CHI3L2: variants seen among roughly 807,000 people sequenced by gnomAD.
CHI3L2 encodes chitinase 3 like 2.
A neutral mutation model predicts 47.3 loss-of-function variants in CHI3L2; 47 were observed. The ratio of observed to expected loss-of-function variants is 0.99; its 90% CI spans 0.79 to 1.27. The LOEUF (loss-of-function observed/expected upper bound fraction) is 1.27. Ranked by LOEUF, CHI3L2 falls within the 50% of genes most tolerant of loss-of-function variation. The pLI is 0.00. For synonymous variants in CHI3L2, 198 were observed against 169.9 expected (o/e 1.17, Z -1.28); for missense variants, 497 against 462.1 (o/e 1.08, Z -0.69).
Position 111,243,335 on chromosome 1 carries a change from T to G in CHI3L2, c.*121T>G. Reference sequence around the variant, plus strand: ...GCCTTTGGATCTCTCTTCCAAGCCTTTCCTGACTTCCTCTTAGATCATAGA... The same window carrying G: ...GCCTTTGGATCTCTCTTCCAAGCCTGTCCTGACTTCCTCTTAGATCATAGA... On this transcript the variant is annotated 3_prime_UTR_variant, in exon 11 of 11. Transcript: ENST00000369748. The G allele has an allele frequency of 2.3e-6, 1 of 441,236 alleles. No individual in the cohort carries two copies. The highest frequency in any genetic ancestry group is 1.6e-5 in the South Asian group (1 of 63,100). The allele number at this position is 441,236 out of a possible 1,614,324, so 27.3% of individuals were successfully genotyped here.
Position 111,230,958 on chromosome 1 carries a change from G to T in CHI3L2, c.272+15G>T. ...CTCAAAACCAAGTGAGTAAGATGGG[G>T]GTGGAAGCATCCTGCATGGATTTTA... On this transcript the variant is annotated intron_variant, in intron 3 of 10. Coordinates refer to ENST00000369748, the MANE Select transcript of CHI3L2 (RefSeq NM_004000.3). The T allele has an allele frequency of 6.2e-7, 1 of 1,605,884 alleles. No homozygotes were observed. Among genetic ancestry groups the T allele is most frequent in the East Asian group, 2.2e-5 (1 of 44,824 alleles).
At chr1:111,234,352 G>A (rs1023748730) in intron 4 of CHI3L2, among the ~76,000 whole-genome samples, 2 of 152,108 alleles carry the variant, frequency 1.3e-5, no homozygotes, top group African/African-American at 2.4e-5. Context: ...CAAAGAGCAC[G>A]CTAGGGGCAA....
At chr1:111,242,114 CAGTT>C in intron 9 of CHI3L2, 109 bp from the exon 10 acceptor site, 1 of 1,358,308 alleles carries the variant, frequency 7.4e-7, no homozygotes, top group African/African-American at 1.5e-5. Flanking sequence ...TCCAGAAAAC[CAGTT>C]AGTCTACTGC....
chr1:111,242,309 A>G lies in CHI3L2; in HGVS notation c.1118A>G (p.Asn373Ser). 1 of 1,614,008 alleles carries G rather than the reference A, an allele frequency of 6.2e-7. No individual in the cohort carries two copies. Among genetic ancestry groups the G allele is most frequent in the Non-Finnish European group, 8.5e-7 (1 of 1,179,974 alleles). ...DMDDFTGKSC[N>S]QGPYPLVQAV... ...GATGACTTCACTGGCAAATCCTGCA[A>G]CCAGGGCCCTTACCCTCTTGTCCAA... Residue 373 changes from asparagine to serine, a missense_variant, in exon 10 of 11, where the codon AAC (asparagine) becomes AGC (serine). Asn to Ser is a conservative substitution (Grantham distance 46). Coordinates refer to ENST00000369748, the MANE Select transcript of CHI3L2 (RefSeq NM_004000.3).
chr1:111,238,610 C>G, intron 7 of CHI3L2, 140 bp from the exon 8 acceptor site: 2 of 765,500 alleles, frequency 2.6e-6, no homozygotes, highest in South Asian at 1.8e-5. Flanking sequence ...CACTCTGGTC[C>G]GGGGGGTCTG....
rs1230939570 is a variant in CHI3L2, at chr1:111,238,790, C to T, written c.776C>T (p.Ser259Leu). The change falls in exon 8 of 11, where the codon TCA becomes TTA. Residue 259 changes from serine (S) to leucine (L), a missense_variant. By Grantham distance (145) the Ser-to-Leu change is moderately radical (BLOSUM62 -2). Transcript: ENST00000369748. ...TACTGGATACATAAGGGAATGCCAT[C>T]AGAGAAGGTGGTCATGGGCATCCCC... ...VGYWIHKGMP[S>L]EKVVMGIPTY... 6.2e-7 allele frequency: 1 copy of T among 1,613,960 alleles called. No individual in the cohort carries two copies.
chr1:111,240,833 G>A (rs969716894), intron 8 of CHI3L2, among the ~76,000 whole-genome samples: 8 of 152,220 alleles, frequency 5.3e-5, no homozygotes, highest in Admixed American at 5.2e-4. Context: ...CAGAGGAGGA[G>A]TAATAAGATT....
At chr1:111,236,476 T>G (rs2764543) in intron 7 of CHI3L2, among the ~76,000 whole-genome samples, 37,991 of 152,118 alleles carry the variant, frequency 0.25, 5,596 homozygotes, top group Non-Finnish European at 0.34. Context: ...ACAGAACTTG[T>G]ACCTTCCTGT....
intron 7 of CHI3L2, among the ~76,000 whole-genome samples, chr1:111,236,654 T>TA (rs60523421): frequency 2.7e-5 from 4 of 149,910 alleles, no homozygotes; most frequent in East Asian, 2.0e-4. Context: ...AAATGAAAAG[T>TA]AAAAAAAAAA....
In CHI3L2 at chr1:111,228,074, T is replaced by C. The variant is rs557140616; in HGVS notation, c.40+305T>C. On this transcript the variant is annotated intron_variant, in intron 1 of 10. Coordinates refer to ENST00000369748, the MANE Select transcript of CHI3L2 (RefSeq NM_004000.3). ...AAAGAGGCCAAGCTTTCTTAGTCTCTTGGTGTATGAGCGTTGTATTGCGAG... is the reference window on the plus strand; with the variant it reads ...AAAGAGGCCAAGCTTTCTTAGTCTCCTGGTGTATGAGCGTTGTATTGCGAG... 1.3e-4 allele frequency among the ~76,000 whole-genome samples: 20 copies of C among 152,362 alleles called. No homozygotes were observed. The South Asian group carries it at 2.5e-3, about 19-fold the overall frequency.
At chr1:111,240,754 T>C (rs1660024696) in intron 8 of CHI3L2, among the ~76,000 whole-genome samples, 1 of 152,170 alleles carries the variant, frequency 6.6e-6, no homozygotes, top group Non-Finnish European at 1.5e-5. Flanking sequence ...TTCCTTATGC[T>C]AACAGAAAGA....
chr1:111,228,397 G>T lies in CHI3L2; in HGVS notation c.40+628G>T, dbSNP rs74121631. On this transcript the variant is annotated intron_variant, in intron 1 of 10. Transcript: ENST00000369748. ...TTTGTGTCCATACCTCTTTCACCTTGTCTTACCCTCTCAAGCCATGAAGCC... is the reference window on the plus strand; with the variant it reads ...TTTGTGTCCATACCTCTTTCACCTTTTCTTACCCTCTCAAGCCATGAAGCC... 6.2e-3 allele frequency among the ~76,000 whole-genome samples: 937 copies of T among 152,286 alleles called. 9 individuals carry two copies. Among genetic ancestry groups the T allele is most frequent in the African/African-American group, 0.022 (897 of 41,548 alleles).
chr1:111,236,066 G>A lies in CHI3L2; in HGVS notation c.648G>A (p.Gly216=), dbSNP rs146398047. ...ACCTCCTGTCCTTTGACTTCCATGGGTCTTGGGAAAAGCCCCTTATCACTG... is the reference window on the plus strand; with the variant it reads ...ACCTCCTGTCCTTTGACTTCCATGGATCTTGGGAAAAGCCCCTTATCACTG... ...FINLLSFDFH[G]SWEKPLITGH... The change falls in exon 7 of 11, where the codon GGG becomes GGA. Residue 216 remains glycine (G), a synonymous_variant. Coordinates refer to ENST00000369748, the MANE Select transcript of CHI3L2 (RefSeq NM_004000.3). 2.2e-4 allele frequency: 352 copies of A among 1,614,166 alleles called. 2 individuals are homozygous for A. Among genetic ancestry groups the A allele is most frequent in the Non-Finnish European group, 1.1e-5 (13 of 1,180,028 alleles).
chr1:111,229,420 C>T lies in CHI3L2; in HGVS notation c.41-432C>T, dbSNP rs1298260639. ...ACCACAGGCCGGGCGCGGTGGCTCA[C>T]GCCTGTAATCCCAGCACTTTGGGAG... On this transcript the variant is annotated intron_variant, in intron 1 of 10. Transcript: ENST00000369748. Among the ~76,000 whole-genome samples the T allele has an allele frequency of 3.3e-5, 5 of 152,180 alleles. No homozygotes were observed. The East Asian group carries it at 9.6e-4, about 29-fold the overall frequency.
Position 111,235,818 on chromosome 1 carries a change from A to C in CHI3L2, c.605+55A>C, listed in dbSNP as rs891906690. 1.1e-5 allele frequency: 17 copies of C among 1,600,286 alleles called. No individual in the cohort carries two copies. In the African/African-American group the frequency reaches 2.3e-4, roughly 21 times the overall value. On this transcript the variant is annotated intron_variant, in intron 6 of 10. Coordinates refer to ENST00000369748, the MANE Select transcript of CHI3L2 (RefSeq NM_004000.3). ...TCTGCTTCCAATTTGGTCCATGCAA[A>C]TGATGCATCAGCATGTTTGACGGAT...
At chr1:111,240,818 C>T (rs1037288777) in intron 8 of CHI3L2, among the ~76,000 whole-genome samples, 2 of 151,940 alleles carry the variant, frequency 1.3e-5, no homozygotes, top group Admixed American at 6.6e-5. Context: ...GGATATGGGA[C>T]GGGACAGAGG....
intron 1 of CHI3L2, 123 bp downstream of exon 1, chr1:111,227,892 A>G (rs1571220777): frequency 2.0e-6 from 2 of 988,100 alleles, no homozygotes; most frequent in Non-Finnish European, 1.6e-6. Context: ...CTTAGTGTCA[A>G]AAAATTTCAA....
Position 111,231,270 on chromosome 1 carries a change from G to A in CHI3L2, c.305G>A (p.Gly102Glu). 6.2e-7 allele frequency: 1 copy of A among 1,611,668 alleles called. No homozygotes were observed. ...AAACTGAAAATTCTCTTGTCCATTG[G>A]AGGGTACCTGTTTGGTTCCAAAGGG... ...NPKLKILLSI[G>E]GYLFGSKGFH... The change falls in exon 4 of 11, where the codon GGA (glycine) becomes GAA (glutamate). Residue 102 changes from glycine to glutamate, a missense_variant. Physicochemically the swap from Gly to Glu is moderately conservative, Grantham distance 98 (BLOSUM62 -2). Coordinates refer to ENST00000369748, the MANE Select transcript of CHI3L2 (RefSeq NM_004000.3).
At chr1:111,236,308 G>C (rs1659887553) in intron 7 of CHI3L2, among the ~76,000 whole-genome samples, 155 bp downstream of exon 7, 1 of 152,212 alleles carries the variant, frequency 6.6e-6, no homozygotes, top group Non-Finnish European at 1.5e-5. Flanking sequence ...TGCAGGAGAA[G>C]TGCTTTGACC....
Sources: gnomAD v4.1 joint callset for allele counts (sites outside exome capture counted in the v4.1 genomes callset) on GRCh38, gnomAD v4.1.1 for gene constraint, MANE v1.5 for transcripts, NCBI Gene and HGNC (gene_info 2026-07-23, HGNC 2026-07-21) for gene names.